Variants in PCDHGA1 observed in about 807,000 individuals in gnomAD.
PCDHGA1 encodes protocadherin gamma-A1.
Under a neutral mutation model 58.0 loss-of-function variants are expected in PCDHGA1, and 32 were observed. The ratio of observed to expected loss-of-function variants is 0.55; its 90% CI spans 0.42 to 0.74. The LOEUF (loss-of-function observed/expected upper bound fraction) is 0.74, where lower values mean the gene tolerates loss of function less well. PCDHGA1 is among the 30% of genes least tolerant of loss of function. The pLI, the probability that PCDHGA1 is intolerant of heterozygous loss-of-function variation, is 0.00. For synonymous variants in PCDHGA1, 498 were observed against 501.1 expected, an observed-to-expected ratio of 0.99 and a Z score of 0.08; for missense variants, 1,205 against 1,182.3, an observed-to-expected ratio of 1.02 and a Z score of -0.28.
chr5:141,336,013 A>T (rs996014027), intron 1 of PCDHGA1, among the ~76,000 whole-genome samples: 28 of 152,260 alleles, frequency 1.8e-4, no homozygotes, highest in African/African-American at 6.5e-4. Flanking sequence ...AATTATTTAA[A>T]ATACATGAAT....
At chr5:141,508,244 C>A (rs1278674173) in intron 3 of PCDHGA1, 1 of 152,314 alleles carries the variant, frequency 6.6e-6, no homozygotes, top group Non-Finnish European at 1.5e-5. Context: ...CTAAGTCTGC[C>A]TCTCCTGGGA....
At chr5:141,383,515 C>G (rs749503295) in intron 1 of PCDHGA1, 1 of 1,612,350 alleles carries the variant, frequency 6.2e-7, no homozygotes, top group Non-Finnish European at 8.5e-7. Flanking sequence ...GGAGGAAGAG[C>G]GGGTTCACCA....
intron 1 of PCDHGA1, chr5:141,390,432 C>T: frequency 2.0e-6 from 2 of 985,350 alleles, no homozygotes; most frequent in South Asian, 3.4e-5. Context: ...GCTGTCATAT[C>T]ATTCTACAAA....
In PCDHGA1 at chr5:141,431,627, C is replaced by T. The variant is rs769351473; in HGVS notation, c.2422-63180C>T. 2.5e-6 allele frequency: 4 copies of T among 1,614,076 alleles called. No homozygotes were observed. The South Asian group carries it at 4.4e-5, about 18-fold the overall frequency. On this transcript the variant is annotated intron_variant, in intron 1 of 3. Coordinates refer to ENST00000517417, the MANE Select transcript of PCDHGA1 (RefSeq NM_018912.3). The surrounding 1 kb of genome is among the most constrained non-coding windows in gnomAD (Gnocchi z 4.8). Reference sequence around the variant, plus strand: ...CCGGTATGTGGACGACAAGGCGGCCCAAGTTTTCAAACTAGATTGTAATTC... The same window carrying T: ...CCGGTATGTGGACGACAAGGCGGCCTAAGTTTTCAAACTAGATTGTAATTC...
At chr5:141,364,229 C>T in intron 1 of PCDHGA1, 1 of 1,388,080 alleles carries the variant, frequency 7.2e-7, no homozygotes, top group Non-Finnish European at 9.6e-7. Context: ...GCCAACGCTC[C>T]ACGCCCATTT....
chr5:141,415,134 C>T (rs760482028), intron 1 of PCDHGA1: 10 of 1,613,552 alleles, frequency 6.2e-6, no homozygotes, highest in South Asian at 3.3e-5. Context: ...TCCAGGACCA[C>T]GGCCAGCCCC....
Position 141,490,325 on chromosome 5 carries a change from G to A in PCDHGA1, c.2422-4482G>A. 1 of 1,614,236 alleles carries A rather than the reference G, an allele frequency of 6.2e-7. No individual in the cohort carries two copies. Among genetic ancestry groups the A allele is most frequent in the Non-Finnish European group, 8.5e-7 (1 of 1,180,038 alleles). On this transcript the variant is annotated intron_variant, in intron 1 of 3. Transcript: ENST00000517417. This position sits in a 1 kb window ranked among gnomAD's most constrained non-coding sequence, Gnocchi z 5.4. ...TCTTTGGCCAACCCTGTCCTAGAGA[G>A]CACACCAGTGGGCACAGTAGTGGGG...
At chr5:141,355,170 G>C (rs200043254) in intron 1 of PCDHGA1, 12 of 1,569,662 alleles carry the variant, frequency 7.6e-6, no homozygotes, top group African/African-American at 2.7e-5. Context: ...AGGGAAAACC[G>C]AAGCACAGGC....
intron 1 of PCDHGA1, chr5:141,346,638 G>T (rs1354004372): frequency 5.5e-6 from 5 of 911,444 alleles, no homozygotes; most frequent in Non-Finnish European, 8.2e-6. Context: ...TCTGGTTATG[G>T]TTGAGTGGGC....
Position 141,491,686 on chromosome 5 carries a change from C to A in PCDHGA1, c.2422-3121C>A. The A allele has an allele frequency of 6.2e-7, 1 of 1,612,970 alleles. No homozygotes were observed. The highest frequency in any genetic ancestry group is 8.5e-7 in the Non-Finnish European group (1 of 1,179,558). Reference sequence around the variant, plus strand: ...CATCCGGTCCCGCTCTAATACGCTGCGGGAGCGGAGCCAGGTGAGGGGCTC... The same window carrying A: ...CATCCGGTCCCGCTCTAATACGCTGAGGGAGCGGAGCCAGGTGAGGGGCTC... On this transcript the variant is annotated intron_variant, in intron 1 of 3. Coordinates refer to ENST00000517417, the MANE Select transcript of PCDHGA1 (RefSeq NM_018912.3). The surrounding 1 kb of genome is among the most constrained non-coding windows in gnomAD (Gnocchi z 6.9).
chr5:141,419,591 G>A lies in PCDHGA1; in HGVS notation c.2422-75216G>A, dbSNP rs574335266. The A allele has an allele frequency of 2.2e-5, 35 of 1,611,826 alleles. No individual in the cohort carries two copies. The African/African-American group carries it at 4.0e-4, about 18-fold the overall frequency. On this transcript the variant is annotated intron_variant, in intron 1 of 3. Coordinates refer to ENST00000517417, the MANE Select transcript of PCDHGA1 (RefSeq NM_018912.3). ...CGACGGCTCCGCGCTCTTCGACACA[G>A]TGCCGCGGGCCGCGCAGCCAGGCTA...
intron 1 of PCDHGA1, among the ~76,000 whole-genome samples, chr5:141,382,409 G>A (rs1360537214): frequency 6.6e-6 from 1 of 152,188 alleles, no homozygotes; most frequent in Non-Finnish European, 1.5e-5. Context: ...GCAATAACGT[G>A]TGAGTCAGTG....
intron 1 of PCDHGA1, chr5:141,402,792 A>G (rs947158745): frequency 1.4e-5 from 14 of 1,008,956 alleles, no homozygotes; most frequent in Admixed American, 3.1e-5. Flanking sequence ...CTGCGGCTAC[A>G]CAAAACCCGG....
intron 1 of PCDHGA1, among the ~76,000 whole-genome samples, chr5:141,402,158 G>A (rs1276790302): frequency 2.0e-5 from 3 of 151,990 alleles, no homozygotes; most frequent in Non-Finnish European, 2.9e-5. Context: ...AATATTAGGC[G>A]AGAACATCTG....
At chr5:141,410,192 T>G (rs748013890) in intron 1 of PCDHGA1, 1 of 1,613,980 alleles carries the variant, frequency 6.2e-7, no homozygotes, top group Non-Finnish European at 8.5e-7. Context: ...TCATCTGGTC[T>G]TCGCAGACAA....
intron 1 of PCDHGA1, chr5:141,375,375 C>G (rs907988445): frequency 6.2e-7 from 1 of 1,613,834 alleles, no homozygotes; most frequent in Admixed American, 1.7e-5. Context: ...GGAACACCAC[C>G]TCTGTCTACA....
chr5:141,404,164 G>A, intron 1 of PCDHGA1: 2 of 1,613,126 alleles, frequency 1.2e-6, no homozygotes, highest in South Asian at 2.2e-5. Context: ...ATTACAGATT[G>A]TTGACGGCCC....
At position 141,361,752 on chromosome 5, in the gene PCDHGA1, G is replaced by C. The variant is rs1860253; in HGVS notation, c.2421+28647G>C. 6.1e-5 allele frequency: 99 copies of C among 1,612,892 alleles called. 1 individual carries two copies. The highest frequency in any genetic ancestry group is 3.3e-4 in the Middle Eastern group (2 of 6,058). On this transcript the variant is annotated intron_variant, in intron 1 of 3. Transcript: ENST00000517417. ...CACTGCAGGCCCGCGACCAGGGCTC[G>C]CCCGCGCTCAGCGCCAACGTGAGCC...
intron 1 of PCDHGA1, among the ~76,000 whole-genome samples, chr5:141,447,851 C>A (rs961725006): frequency 6.6e-6 from 1 of 151,980 alleles, no homozygotes; most frequent in African/African-American, 2.4e-5. Flanking sequence ...TTTGGGAGGC[C>A]GAGGTGGGTG....
Sources: gnomAD v4.1 joint callset for allele counts (sites outside exome capture counted in the v4.1 genomes callset) on GRCh38, gnomAD v4.1.1 for gene constraint, Gnocchi (gnomAD v3.1) non-coding constraint, MANE v1.5 for transcripts, NCBI Gene and HGNC (gene_info 2026-07-23, HGNC 2026-07-21) for gene names.